Variants in HGSNAT observed in about 807,000 individuals in gnomAD.
HGSNAT encodes transmembrane protein 76.
In HGSNAT, 59 loss-of-function variants were observed where a neutral mutation model predicts 85.2. The observed-to-expected ratio is 0.69, with a 90% CI of 0.56 to 0.86. The LOEUF (loss-of-function observed/expected upper bound fraction) is 0.86, where lower values mean the gene tolerates loss of function less well. HGSNAT is among the 40% of genes least tolerant of loss of function. The pLI, the probability that HGSNAT is intolerant of heterozygous loss-of-function variation, is 0.00. For missense variants in HGSNAT, 756 were observed against 777.1 expected (o/e 0.97, Z 0.32); for synonymous variants, 321 against 304.5 (o/e 1.05, Z -0.56).
intron 15 of HGSNAT, 172 bp downstream of exon 15, chr8:43,197,197 A>ATT: frequency 1.6e-6 from 1 of 608,608 alleles, no homozygotes; most frequent in Non-Finnish European, 2.9e-6. Flanking sequence ...AAATGCACAG[A>ATT]TTTATTTTCT....
Position 43,199,362 on chromosome 8 carries a change from ATCT to A in HGSNAT, c.1727-22_1727-20del, listed in dbSNP as rs1454996616. On this transcript the variant is annotated intron_variant, in intron 17 of 17. Coordinates refer to ENST00000379644, the MANE Select transcript of HGSNAT (RefSeq NM_152419.3). ...ATGTGACTCATCTGTGAGAAACATG[ATCT>A]TCTGTATGTCTCTCTCCTTAAGGAA... The A allele has an allele frequency of 2.7e-6, 4 of 1,493,062 alleles. No homozygotes were observed. The South Asian group carries it at 3.6e-5, about 14-fold the overall frequency. The allele number at this position is 1,493,062 out of a possible 1,614,324, so 92.5% of individuals were successfully genotyped here.
At chr8:43,165,303 A>G (rs556277893) in intron 5 of HGSNAT, among the ~76,000 whole-genome samples, 35 of 152,212 alleles carry the variant, frequency 2.3e-4, no homozygotes, top group Admixed American at 1.0e-3. Context: ...CCTGTATAAG[A>G]TGGTGAACTT....
intron 1 of HGSNAT, among the ~76,000 whole-genome samples, chr8:43,144,017 G>C (rs894993503): frequency 1.3e-5 from 2 of 151,938 alleles, no homozygotes; most frequent in Non-Finnish European, 2.9e-5. Context: ...GCCTGTTTTT[G>C]GTTAAAGATT....
chr8:43,196,371 G>A, intron 14 of HGSNAT: 2 of 861,012 alleles, frequency 2.3e-6, no homozygotes, highest in Non-Finnish European at 3.3e-6. Flanking sequence ...GTTTTTAAAT[G>A]TTTCCCTGCC....
intron 11 of HGSNAT, among the ~76,000 whole-genome samples, chr8:43,189,313 CT>C (rs1403601914): frequency 6.6e-6 from 1 of 152,198 alleles, no homozygotes; most frequent in East Asian, 1.9e-4. Flanking sequence ...CTTTGTTTAC[CT>C]TCTCAAGCCT....
Position 43,169,098 on chromosome 8 carries a change from T to G in HGSNAT, c.564-75T>G, listed in dbSNP as rs1803526356. ...TATAGAATATGAGCTTTAATTTTAT[T>G]TCCATATAATATCCAATCATTTAAA... On this transcript the variant is annotated intron_variant, in intron 5 of 17. Coordinates refer to ENST00000379644, the MANE Select transcript of HGSNAT (RefSeq NM_152419.3). 6.7e-6 allele frequency: 5 copies of G among 747,980 alleles called. No individual in the cohort carries two copies. The East Asian group carries it at 1.4e-4, about 21-fold the overall frequency. 46.3% of individuals were successfully genotyped at this position (747,980 alleles called of 1,614,324 possible).
chr8:43,163,063 T>C (rs551274247), intron 5 of HGSNAT, among the ~76,000 whole-genome samples: 1 of 152,228 alleles, frequency 6.6e-6, no homozygotes, highest in South Asian at 2.1e-4. Context: ...TGGGTGCCTG[T>C]AGTCCCAGCT....
chr8:43,177,242 T>G (rs1287498735), intron 9 of HGSNAT, among the ~76,000 whole-genome samples: 1 of 145,924 alleles, frequency 6.9e-6, no homozygotes, highest in Non-Finnish European at 1.5e-5. Context: ...GTATTCTAAC[T>G]TTTTTTTTTT....
chr8:43,182,018 A>G (rs1356984378), intron 10 of HGSNAT, 127 bp from the exon 11 acceptor site: 7 of 761,776 alleles, frequency 9.2e-6, no homozygotes, highest in East Asian at 2.4e-5. Flanking sequence ...TCCATGTCCA[A>G]GAGCTTAAAA....
At chr8:43,157,501 C>T (rs940429282) in intron 2 of HGSNAT, among the ~76,000 whole-genome samples, 1 of 152,044 alleles carries the variant, frequency 6.6e-6, no homozygotes, top group Non-Finnish European at 1.5e-5. Flanking sequence ...CTTGGCCAGG[C>T]ATGGTGGCTT....
rs371296485 is a variant in HGSNAT at position 43,158,672 on chromosome 8, T to C, written c.332T>C (p.Leu111Pro). ...ASVSTQHGSI[L>P]QLNDTLEEKE... ...GTCAGCACCCAGCACGGATCTATCC[T>C]GCAGCTGAACGACACCTTGGAAGAG... Residue 111 changes from leucine to proline, a missense_variant, in exon 3 of 18, where the codon CTG becomes CCG. By Grantham distance (98) the Leu-to-Pro change is moderately conservative. Transcript: ENST00000379644. 2.5e-6 allele frequency: 4 copies of C among 1,612,446 alleles called. No individual in the cohort carries two copies. In the African/African-American group the frequency reaches 5.3e-5, roughly 22 times the overall value.
chr8:43,194,325 G>A (rs1804637793), intron 14 of HGSNAT: 1 of 882,940 alleles, frequency 1.1e-6, no homozygotes, highest in African/African-American at 1.8e-5. Context: ...TTGAACCAAG[G>A]AGGTTGAGGC....
intron 10 of HGSNAT, 139 bp downstream of exon 10, chr8:43,178,373 TCTAA>T: frequency 1.7e-6 from 1 of 580,842 alleles, no homozygotes; most frequent in Non-Finnish European, 2.8e-6. Flanking sequence ...ACAATGGTTG[TCTAA>T]CTGTGAGCAT....
chr8:43,188,801 G>C (rs1417128124), intron 11 of HGSNAT, among the ~76,000 whole-genome samples: 1 of 152,184 alleles, frequency 6.6e-6, no homozygotes, highest in East Asian at 1.9e-4. Flanking sequence ...TTTGGTCTTT[G>C]ATGATGGTGA....
rs572939859 is a variant in HGSNAT, at chr8:43,175,557, CTTTTTTTTT to C, written c.851+1831_851+1839del. Among the ~76,000 whole-genome samples, 169 of 63,152 alleles carry C rather than the reference CTTTTTTTTT, an allele frequency of 2.7e-3. 1 individual carries two copies. The highest frequency in any genetic ancestry group is 0.016 in the Middle Eastern group (1 of 62). 41.4% of individuals were successfully genotyped at this position (63,152 alleles called of 152,430 possible). A position where few individuals can be genotyped will look rare whatever the true frequency, so the allele number is the denominator to read the frequency against. ...AATGTCTGTTCAGATCTTTTGTCCT[CTTTTTTTTT>C]TTTTTTTTTTTTTTTTCAAGATGAA... On this transcript the variant is annotated intron_variant, in intron 9 of 17. Coordinates refer to ENST00000379644, the MANE Select transcript of HGSNAT (RefSeq NM_152419.3).
At chr8:43,149,426 C>T (rs1802822816) in intron 2 of HGSNAT, among the ~76,000 whole-genome samples, 1 of 152,112 alleles carries the variant, frequency 6.6e-6, no homozygotes, top group Non-Finnish European at 1.5e-5. Context: ...AGGCCGGGCG[C>T]GGTGGCTCAC....
intron 2 of HGSNAT, among the ~76,000 whole-genome samples, chr8:43,152,645 C>T (rs1470477132): frequency 6.6e-6 from 1 of 152,054 alleles, no homozygotes; most frequent in Non-Finnish European, 1.5e-5. Flanking sequence ...TTTGTGGAGA[C>T]AAGGTCTTGC....
intron 1 of HGSNAT, among the ~76,000 whole-genome samples, chr8:43,142,596 A>T (rs547025927): frequency 6.6e-6 from 1 of 152,314 alleles, no homozygotes; most frequent in East Asian, 1.9e-4. Flanking sequence ...CCTCGGCTGC[A>T]CACTCGAATC....
At chr8:43,162,127 GT>G (rs1803286019) in intron 5 of HGSNAT, among the ~76,000 whole-genome samples, 1 of 152,186 alleles carries the variant, frequency 6.6e-6, no homozygotes, top group Non-Finnish European at 1.5e-5. Context: ...TCAAAGGAAA[GT>G]TTTTTTCATG....
Sources: gnomAD v4.1 joint callset for allele counts (sites outside exome capture counted in the v4.1 genomes callset) on GRCh38, gnomAD v4.1.1 for gene constraint, MANE v1.5 for transcripts, NCBI Gene and HGNC (gene_info 2026-07-23, HGNC 2026-07-21) for gene names.